NOS1AP: variants seen among roughly 807,000 people sequenced by gnomAD.
NOS1AP encodes the protein carboxyl-terminal PDZ ligand of neuronal nitric oxide synthase protein.
Under a neutral mutation model 56.2 loss-of-function variants are expected in NOS1AP, and 21 were observed. That is an observed-to-expected ratio of 0.37 (90% CI 0.26 to 0.54). NOS1AP has a LOEUF of 0.54. Among genes scored for constraint, NOS1AP ranks in the 20% least tolerant of loss-of-function variants. The pLI is 0.84. For missense variants in NOS1AP, 522 were observed against 657.8 expected, an observed-to-expected ratio of 0.79 and a Z score of 2.26; for synonymous variants, 270 against 274.6, an observed-to-expected ratio of 0.98 and a Z score of 0.17.
intron 2 of NOS1AP, among the ~76,000 whole-genome samples, chr1:162,233,316 C>G (rs1339859864): frequency 6.6e-6 from 1 of 152,200 alleles, no homozygotes. Context: ...GTGGCTCTTG[C>G]ATGGTGGTGG....
chr1:162,183,181 C>T (rs975664772), intron 2 of NOS1AP, among the ~76,000 whole-genome samples: 1 of 152,200 alleles, frequency 6.6e-6, no homozygotes, highest in African/African-American at 2.4e-5. Context: ...TGAACATCTC[C>T]ATCAGAGATC....
Position 162,367,335 on chromosome 1 carries a change from C to A in NOS1AP, c.1389C>A (p.Ala463=). The change falls in exon 10 of 10, where the codon GCC becomes GCA. Residue 463 remains alanine (A), a synonymous_variant. Transcript: ENST00000361897. The surrounding 1 kb of genome is among the most constrained non-coding windows in gnomAD (Gnocchi z 6.5). ...TCAAGTTCCGAGAGTCAGGCATCGC[C>A]TCGGAGTACGAGTCCAACACGGACG... ...ELIKFRESGI[A]SEYESNTDES... 1.2e-6 allele frequency: 2 copies of A among 1,613,192 alleles called. No individual in the cohort carries two copies. The highest frequency in any genetic ancestry group is 2.2e-5 in the South Asian group (2 of 91,058).
intron 4 of NOS1AP, among the ~76,000 whole-genome samples, chr1:162,318,289 G>T (rs1470862087): frequency 2.0e-5 from 3 of 152,186 alleles, no homozygotes; most frequent in African/African-American, 4.8e-5. Flanking sequence ...TGGAGAAACT[G>T]CATTTGCTAT....
At chr1:162,171,741 T>C (rs763815055) in intron 2 of NOS1AP, among the ~76,000 whole-genome samples, 3 of 152,062 alleles carry the variant, frequency 2.0e-5, no homozygotes, top group Non-Finnish European at 4.4e-5. Context: ...CTTCCCAGTT[T>C]GGGCCTCCAC....
chr1:162,107,747 GAA>G lies in NOS1AP; in HGVS notation c.105+37466_105+37467del, dbSNP rs1647567702. ...ATAACCCACAGAGAGGAACAGACAG[GAA>G]CTCAGCCAACTGGCTTTAAAACACA... On this transcript the variant is annotated intron_variant, in intron 1 of 9. Coordinates refer to ENST00000361897, the MANE Select transcript of NOS1AP (RefSeq NM_014697.3). Among the ~76,000 whole-genome samples, 3 of 152,294 alleles carry G rather than the reference GAA, an allele frequency of 2.0e-5. No individual in the cohort carries two copies. The South Asian group carries it at 6.2e-4, about 32-fold the overall frequency.
At chr1:162,360,854 T>G (rs1234240049) in intron 8 of NOS1AP, 1 of 456,692 alleles carries the variant, frequency 2.2e-6, no homozygotes, top group Non-Finnish European at 4.4e-6. Context: ...CACTGCCATT[T>G]CCATGTGCCT....
chr1:162,109,496 GA>G, intron 1 of NOS1AP, among the ~76,000 whole-genome samples: 1 of 152,278 alleles, frequency 6.6e-6, no homozygotes, highest in South Asian at 2.1e-4. Context: ...GGCTGATGAG[GA>G]AGCAGGTGGG....
intron 1 of NOS1AP, among the ~76,000 whole-genome samples, chr1:162,110,260 G>A (rs10800307): frequency 0.62 from 92,365 of 148,792 alleles, 29,241 homozygotes; most frequent in Non-Finnish European, 0.67. Flanking sequence ...TAAGTTATAT[G>A]TAGACCACTG....
At position 162,285,221 on chromosome 1, in the gene NOS1AP, C is replaced by T. The variant is rs577421511; in HGVS notation, c.178-2123C>T. Among the ~76,000 whole-genome samples the T allele has an allele frequency of 3.3e-5, 5 of 152,236 alleles. No homozygotes were observed. The South Asian group carries it at 8.3e-4, about 25-fold the overall frequency. On this transcript the variant is annotated intron_variant, in intron 2 of 9. Transcript: ENST00000361897. ...ACACACTCTTCTGTACTCCTTTGGC[C>T]GGCAGGAGCAGCCTGATTTTAGTGA...
intron 1 of NOS1AP, among the ~76,000 whole-genome samples, chr1:162,102,558 GA>G (rs1396945427): frequency 1.3e-5 from 2 of 152,098 alleles, no homozygotes; most frequent in Non-Finnish European, 2.9e-5. Context: ...ATTCAGGTGT[GA>G]ATCCATGTGG....
chr1:162,316,695 G>A (rs953206769), intron 4 of NOS1AP, among the ~76,000 whole-genome samples: 1 of 152,190 alleles, frequency 6.6e-6, no homozygotes, highest in Non-Finnish European at 1.5e-5. Flanking sequence ...GTGGAGTTAA[G>A]AGCAATGTTT....
At chr1:162,141,109 A>G (rs1649218611) in intron 1 of NOS1AP, among the ~76,000 whole-genome samples, 1 of 152,190 alleles carries the variant, frequency 6.6e-6, no homozygotes, top group Non-Finnish European at 1.5e-5. Context: ...ATCTTTGGCA[A>G]ATAGAAAGTG....
chr1:162,357,325 G>C (rs1391866021), intron 8 of NOS1AP, 189 bp downstream of exon 8: 7 of 1,140,178 alleles, frequency 6.1e-6, no homozygotes, highest in Non-Finnish European at 8.7e-6. Flanking sequence ...AGTTGAAATG[G>C]AGAGGCACAT....
At chr1:162,338,966 T>C (rs1657021990) in intron 5 of NOS1AP, among the ~76,000 whole-genome samples, 1 of 152,186 alleles carries the variant, frequency 6.6e-6, no homozygotes, top group Non-Finnish European at 1.5e-5. Context: ...AGCTGTTCAT[T>C]GCATTTGGAC....
At chr1:162,212,684 A>AGTC (rs1652409242) in intron 2 of NOS1AP, among the ~76,000 whole-genome samples, 1 of 152,160 alleles carries the variant, frequency 6.6e-6, no homozygotes, top group African/African-American at 2.4e-5. Context: ...CCCCATGATC[A>AGTC]GTCTAGGGGG....
chr1:162,138,005 T>C lies in NOS1AP; in HGVS notation c.106-16400T>C, dbSNP rs373910075. Among the ~76,000 whole-genome samples, 29 of 152,280 alleles carry C rather than the reference T, an allele frequency of 1.9e-4. No homozygotes were observed. The East Asian group carries it at 2.5e-3, about 13-fold the overall frequency. ...GGTCAGTGAAGCCACTGTCAGTACC[T>C]CACATTAAATGTTAAATGTAACCCC... is the stretch of plus-strand genomic sequence containing the variant. On this transcript the variant is annotated intron_variant, in intron 1 of 9. Coordinates refer to ENST00000361897, the MANE Select transcript of NOS1AP (RefSeq NM_014697.3).
intron 8 of NOS1AP, among the ~76,000 whole-genome samples, chr1:162,357,494 G>A (rs755147007): frequency 2.6e-5 from 4 of 152,140 alleles, no homozygotes; most frequent in Non-Finnish European, 5.9e-5. Flanking sequence ...GATGCCTTTG[G>A]AGTCAGAACA....
chr1:162,076,591 C>T (rs35021332), intron 1 of NOS1AP, among the ~76,000 whole-genome samples: 43,387 of 152,060 alleles, frequency 0.29, 6,793 homozygotes, highest in South Asian at 0.59. Context: ...CTAGGCTGGG[C>T]GCGGTGGCTC....
chr1:162,098,205 C>T (rs1351488520), intron 1 of NOS1AP, among the ~76,000 whole-genome samples: 2 of 148,002 alleles, frequency 1.4e-5, no homozygotes, highest in Non-Finnish European at 3.0e-5. Flanking sequence ...CCCCTGGGCT[C>T]AAGCAGTCTT....
Sources: allele counts gnomAD v4.1 joint callset (sites outside exome capture counted in the v4.1 genomes callset), GRCh38; gene constraint gnomAD v4.1.1; non-coding constraint Gnocchi (gnomAD v3.1); transcripts MANE v1.5; gene names NCBI Gene and HGNC (gene_info 2026-07-23, HGNC 2026-07-21).